The following PEX11G variants were observed in gnomAD, a reference collection of about 807,000 sequenced individuals.
PEX11G encodes peroxisomal membrane protein 11C.
In PEX11G, 20 loss-of-function variants were observed where a neutral mutation model predicts 22.5. That is an observed-to-expected ratio of 0.89 (90% CI 0.62 to 1.29). The LOEUF (loss-of-function observed/expected upper bound fraction) is 1.29. PEX11G is among the 50% of genes most tolerant of loss of function. The pLI, the probability that PEX11G is intolerant of heterozygous loss-of-function variation, is 0.00. For missense variants in PEX11G, 347 were observed against 331.3 expected (o/e 1.05, Z -0.37); for synonymous variants, 141 against 154.5 (o/e 0.91, Z 0.65).
intron 3 of PEX11G, among the ~76,000 whole-genome samples, chr19:7,481,230 T>A (rs1438348406): frequency 1.3e-5 from 2 of 152,276 alleles, no homozygotes; most frequent in Non-Finnish European, 1.5e-5. Context: ...ACACGGAATC[T>A]TGCTCTGTCG....
chr19:7,488,514 C>T (rs1448645921), intron 1 of PEX11G, among the ~76,000 whole-genome samples: 1 of 151,800 alleles, frequency 6.6e-6, no homozygotes, highest in African/African-American at 2.4e-5. Flanking sequence ...AAATGTCCAA[C>T]GCTGGCCAGA....
At chr19:7,477,555 G>A (rs1977280399) in intron 4 of PEX11G, 119 bp from the exon 5 acceptor site, 4 of 845,928 alleles carry the variant, frequency 4.7e-6, no homozygotes, top group East Asian at 6.4e-5. Flanking sequence ...GGGAGGAGCT[G>A]GCAGGACTGA....
upstream of PEX11G, chr19:7,489,243 C>G: frequency 8.1e-7 from 1 of 1,231,876 alleles, no homozygotes. Flanking sequence ...TTGCTGCATT[C>G]TGCCCCACGG....
In PEX11G at chr19:7,485,897, G is replaced by C. The variant is rs753775353; in HGVS notation, c.190C>G (p.Arg64Gly). Residue 64 changes from arginine (R) to glycine (G), a missense_variant, in exon 2 of 5, where the codon CGA becomes GGA. By Grantham distance (125) the Arg-to-Gly change is moderately radical. Transcript: ENST00000221480. ...AACATGGCCAGGTCATCAAAGAGTC[G>C]CAAGATGGTCCTGCAGTGGCTGAGT... ...TQLSHCRTIL[R>G]LFDDLAMFVY... is the part of the protein sequence containing the mutation. The C allele has an allele frequency of 6.2e-7, 1 of 1,613,480 alleles. No homozygotes were observed. Among genetic ancestry groups the C allele is most frequent in the African/African-American group, 1.3e-5 (1 of 74,894 alleles).
At chr19:7,477,864 AAAAC>A (rs1228435270) in intron 4 of PEX11G, among the ~76,000 whole-genome samples, 2 of 152,204 alleles carry the variant, frequency 1.3e-5, no homozygotes, top group Admixed American at 6.5e-5. Flanking sequence ...CAAAAAATAA[AAAAC>A]AAAATTAGCC....
chr19:7,485,825 C>A lies in PEX11G; in HGVS notation c.249+13G>T, dbSNP rs373997616. ...CCGCACCCTACTCCCTAGAGCCCCACAAACCCTGTTACCTGTGCCCCCAGG... is the reference window on the plus strand; with the variant it reads ...CCGCACCCTACTCCCTAGAGCCCCAAAAACCCTGTTACCTGTGCCCCCAGG... On this transcript the variant is annotated intron_variant, in intron 2 of 4. Coordinates refer to ENST00000221480, the MANE Select transcript of PEX11G (RefSeq NM_080662.4). The A allele has an allele frequency of 3.1e-5, 49 of 1,584,152 alleles. 2 individuals carry two copies. The Middle Eastern group carries it at 1.2e-3, about 38-fold the overall frequency.
chr19:7,490,459 T>G (rs550000762), upstream of PEX11G, among the ~76,000 whole-genome samples: 608 of 150,410 alleles, frequency 4.0e-3, no homozygotes, highest in Middle Eastern at 0.01. Context: ...TAGCTGGCAC[T>G]ACTACAGGCG....
At chr19:7,484,466 A>G (rs2021546895) in intron 2 of PEX11G, among the ~76,000 whole-genome samples, 1 of 151,816 alleles carries the variant, frequency 6.6e-6, no homozygotes, top group South Asian at 2.1e-4. Flanking sequence ...AATCTCACAA[A>G]GGAGACACAA....
rs968721560 is a variant in PEX11G, at chr19:7,477,456, C to T, written c.492-20G>A. Reference sequence around the variant, plus strand: ...AGCGGGCTGTGGGGCAGAGAGGGGCCGCTTACACTCACGCTCACACCTGCC... The same window carrying T: ...AGCGGGCTGTGGGGCAGAGAGGGGCTGCTTACACTCACGCTCACACCTGCC... On this transcript the variant is annotated intron_variant, in intron 4 of 4. Coordinates refer to ENST00000221480, the MANE Select transcript of PEX11G (RefSeq NM_080662.4). The T allele has an allele frequency of 9.2e-6, 13 of 1,408,140 alleles. No individual in the cohort carries two copies. The highest frequency in any genetic ancestry group is 2.0e-4 in the Middle Eastern group (1 of 4,974). 87.2% of individuals were successfully genotyped at this position (1,408,140 alleles called of 1,614,324 possible).
chr19:7,489,864 T>G (rs942105270), upstream of PEX11G, among the ~76,000 whole-genome samples: 1 of 151,336 alleles, frequency 6.6e-6, no homozygotes, highest in Admixed American at 6.6e-5. Context: ...TTTTTTTTTT[T>G]TCTTTTTTTT....
chr19:7,480,792 G>A (rs114094760), intron 3 of PEX11G, among the ~76,000 whole-genome samples: 3,390 of 152,180 alleles, frequency 0.022, 137 homozygotes, highest in African/African-American at 0.078. Context: ...TCACCCCAGC[G>A]ATCTAAGAGC....
upstream of PEX11G, chr19:7,489,103 A>T (rs371232125): frequency 1.5e-6 from 2 of 1,349,070 alleles, no homozygotes; most frequent in Non-Finnish European, 1.9e-6. Flanking sequence ...GCTTGCGCGC[A>T]GGCGCGGCCG....
intron 3 of PEX11G, among the ~76,000 whole-genome samples, chr19:7,479,312 T>C (rs1015038469): frequency 1.3e-5 from 2 of 152,016 alleles, no homozygotes; most frequent in African/African-American, 4.8e-5. Flanking sequence ...GGTGAACCCC[T>C]GTCTCTACTA....
rs1419092192 is a variant in PEX11G at position 7,477,382 on chromosome 19, C to T, written c.546G>A (p.Ala182=). Residue 182 remains alanine (A), a synonymous_variant, in exon 5 of 5, where the codon GCG becomes GCA. Transcript: ENST00000221480. ...RAMEAQMQSE[A]LSLLSNLADL... is the part of the protein sequence containing the mutation. ...CGGCCAGGTTGCTGAGAAGTGACAGCGCCTCCGACTGCATCTGCGCCTCCA... is the reference window on the plus strand; with the variant it reads ...CGGCCAGGTTGCTGAGAAGTGACAGTGCCTCCGACTGCATCTGCGCCTCCA... 1.9e-5 allele frequency: 30 copies of T among 1,550,260 alleles called. No homozygotes were observed. Among genetic ancestry groups the T allele is most frequent in the African/African-American group, 2.7e-5 (2 of 72,748 alleles).
chr19:7,479,255 C>T (rs912058557), intron 3 of PEX11G, among the ~76,000 whole-genome samples: 1 of 152,050 alleles, frequency 6.6e-6, no homozygotes, highest in African/African-American at 2.4e-5. Flanking sequence ...AGGCCAAGGC[C>T]GGTGGATCAC....
In PEX11G at chr19:7,488,944, G is replaced by T; in HGVS notation, c.60+7C>A. 6.4e-7 allele frequency: 1 copy of T among 1,551,366 alleles called. No homozygotes were observed. The stretch of plus-strand genomic sequence containing the variant: ...GGACCTCCGGCCCCGGTCCGCCCCT[G>T]CCTCACCAGGCGGTCCCGGCCCCTG... On this transcript the variant is annotated splice_region_variant and intron_variant, in intron 1 of 4. Transcript: ENST00000221480.
chr19:7,478,547 G>A (rs527950457), intron 3 of PEX11G, among the ~76,000 whole-genome samples, 171 bp from the exon 4 acceptor site: 5 of 152,282 alleles, frequency 3.3e-5, no homozygotes, highest in African/African-American at 7.2e-5. Flanking sequence ...TCATGCTCCC[G>A]GGGACTCATC....
intron 2 of PEX11G, among the ~76,000 whole-genome samples, chr19:7,484,327 C>G (rs1013691239): frequency 6.6e-6 from 1 of 151,440 alleles, no homozygotes; most frequent in Non-Finnish European, 1.5e-5. Context: ...GTACTCCAGG[C>G]TGAGTGACAG....
Position 7,482,215 on chromosome 19 carries a change from C to A in PEX11G, c.250-4G>T. On this transcript the variant is annotated splice_region_variant and splice_polypyrimidine_tract_variant and intron_variant, in intron 2 of 4. Coordinates refer to ENST00000221480, the MANE Select transcript of PEX11G (RefSeq NM_080662.4). Reference sequence around the variant, plus strand: ...AGCGGACAAAGGCGTCCTCCTCCTGCAGGACCAGGAGCAGAGGGGGCCTAG... The same window carrying A: ...AGCGGACAAAGGCGTCCTCCTCCTGAAGGACCAGGAGCAGAGGGGGCCTAG... The A allele has an allele frequency of 6.4e-7, 1 of 1,556,808 alleles. No homozygotes were observed. The highest frequency in any genetic ancestry group is 1.2e-5 in the South Asian group (1 of 84,580).
Sources: allele counts gnomAD v4.1 joint callset (sites outside exome capture counted in the v4.1 genomes callset), GRCh38; gene constraint gnomAD v4.1.1; transcripts MANE v1.5; gene names NCBI Gene and HGNC (gene_info 2026-07-23, HGNC 2026-07-21).